Variants in XPO6 observed in about 807,000 individuals in gnomAD.
The protein encoded by XPO6 is exportin-6.
XPO6 carries 3 observed loss-of-function variants against 130.0 expected under a neutral mutation model. The ratio of observed to expected loss-of-function variants is 0.02; its 90% confidence interval spans 0.01 to 0.06. The LOEUF is 0.06. Ranked by LOEUF, XPO6 falls within the 10% of genes least tolerant of loss-of-function variation. The pLI is 1.00. For synonymous variants in XPO6, 524 were observed against 548.9 expected (o/e 0.95, Z 0.63); for missense variants, 970 against 1,393.0 (o/e 0.70, Z 4.83).
intron 2 of XPO6, among the ~76,000 whole-genome samples, chr16:28,178,135 T>C (rs2043560928): frequency 6.6e-6 from 1 of 152,136 alleles, no homozygotes; most frequent in Non-Finnish European, 1.5e-5. Flanking sequence ...AGGGTAAAAG[T>C]GCAAAGGCCC....
intron 1 of XPO6, among the ~76,000 whole-genome samples, chr16:28,200,084 G>A (rs974213265): frequency 6.6e-6 from 1 of 151,812 alleles, no homozygotes; most frequent in Admixed American, 6.6e-5. Context: ...TGAATCCAGA[G>A]GCAGAGGTTG....
intron 8 of XPO6, among the ~76,000 whole-genome samples, chr16:28,147,338 G>A (rs2043002260): frequency 6.6e-6 from 1 of 152,034 alleles, no homozygotes; most frequent in Non-Finnish European, 1.5e-5. Flanking sequence ...CACGGCAGGT[G>A]GACTGCTTGA....
intron 6 of XPO6, among the ~76,000 whole-genome samples, chr16:28,161,482 T>A (rs2043277473): frequency 6.6e-6 from 1 of 152,060 alleles, no homozygotes; most frequent in African/African-American, 2.4e-5. Context: ...TCAAGTTGAT[T>A]TATGAGGAGC....
rs1037800242 is a variant in XPO6, at chr16:28,153,952, G to A, written c.1098-1167C>T. ...CAGCCTGCCTGCCTGACCTCTATGC[G>A]GCCGAGCTTATTTGCAGCTTTTTAA... is the stretch of plus-strand genomic sequence containing the variant. On this transcript the variant is annotated intron_variant, in intron 7 of 23. Transcript: ENST00000304658. 166 of 985,226 alleles carry A rather than the reference G, an allele frequency of 1.7e-4. No individual in the cohort carries two copies. In the African/African-American group the frequency reaches 2.3e-3, roughly 14 times the overall value. 61.0% of individuals were successfully genotyped at this position (985,226 alleles called of 1,614,324 possible).
intron 1 of XPO6, among the ~76,000 whole-genome samples, chr16:28,210,545 G>A (rs1163855600): frequency 6.6e-6 from 1 of 152,188 alleles, no homozygotes; most frequent in Non-Finnish European, 1.5e-5. Context: ...ATAATTACAA[G>A]AGCAAAAAGG....
chr16:28,135,461 T>C (rs2042757423), intron 9 of XPO6, 137 bp from the exon 10 acceptor site: 2 of 677,020 alleles, frequency 3.0e-6, no homozygotes, highest in East Asian at 5.5e-5. Context: ...TGAGGCTGAG[T>C]TTATGGGTTG....
intron 4 of XPO6, among the ~76,000 whole-genome samples, chr16:28,172,524 T>C (rs768611686): frequency 2.6e-5 from 4 of 152,114 alleles, no homozygotes; most frequent in Non-Finnish European, 4.4e-5. Flanking sequence ...TCTAGAACCA[T>C]TAGTGTTATG....
chr16:28,122,234 T>A (rs1208963719), intron 13 of XPO6, among the ~76,000 whole-genome samples: 1 of 152,050 alleles, frequency 6.6e-6, no homozygotes, highest in Non-Finnish European at 1.5e-5. Flanking sequence ...AGTGGGTAGA[T>A]TATGGATGAT....
At position 28,206,491 on chromosome 16, in the gene XPO6, T is replaced by C. The variant is rs370865701; in HGVS notation, c.3+4875A>G. On this transcript the variant is annotated intron_variant, in intron 1 of 23. Transcript: ENST00000304658. ...TGAGACCAGGAGATCGAGGTCACTATGAGCTGTGACTGTGCTGCTGCGCCC... is the reference window on the plus strand; with the variant it reads ...TGAGACCAGGAGATCGAGGTCACTACGAGCTGTGACTGTGCTGCTGCGCCC... Among the ~76,000 whole-genome samples, 7 of 152,216 alleles carry C rather than the reference T, an allele frequency of 4.6e-5. No homozygotes were observed. The East Asian group carries it at 1.2e-3, about 25-fold the overall frequency.
At chr16:28,165,756 G>A (rs541937851) in intron 6 of XPO6, among the ~76,000 whole-genome samples, 123 of 152,206 alleles carry the variant, frequency 8.1e-4, no homozygotes, top group Non-Finnish European at 1.5e-3. Context: ...TACAGTAGAG[G>A]AAGCTATATG....
At chr16:28,107,721 A>C (rs1392942815) in intron 17 of XPO6, 44 bp from the exon 18 acceptor site, 3 of 1,604,870 alleles carry the variant, frequency 1.9e-6, no homozygotes, top group South Asian at 1.1e-5. Flanking sequence ...GTCTGGGGAG[A>C]AAGCATGGTA....
chr16:28,113,237 G>C (rs532665743), intron 15 of XPO6, among the ~76,000 whole-genome samples, 187 bp from the exon 16 acceptor site: 83 of 152,132 alleles, frequency 5.5e-4, no homozygotes, highest in Non-Finnish European at 1.1e-3. Flanking sequence ...CATGTCCACA[G>C]CTCCTGCCGC....
intron 8 of XPO6, among the ~76,000 whole-genome samples, chr16:28,151,346 AG>A (rs1169436210): frequency 1.3e-5 from 2 of 152,336 alleles, no homozygotes; most frequent in East Asian, 3.8e-4. Flanking sequence ...CCAAATCAGC[AG>A]GGGAGTGAAC....
chr16:28,098,800 T>C (rs1420361881), intron 23 of XPO6, among the ~76,000 whole-genome samples, 161 bp from the exon 24 acceptor site: 2 of 152,164 alleles, frequency 1.3e-5, no homozygotes, highest in Non-Finnish European at 2.9e-5. Context: ...ACAGAGACTC[T>C]GTGCCAGGCG....
At position 28,132,570 on chromosome 16, in the gene XPO6, G is replaced by C. The variant is rs1337141570; in HGVS notation, c.1537-167C>G. On this transcript the variant is annotated intron_variant, in intron 11 of 23. Coordinates refer to ENST00000304658, the MANE Select transcript of XPO6 (RefSeq NM_015171.4). This position sits in a 1 kb window ranked among gnomAD's most constrained non-coding sequence, Gnocchi z 4.0. ...GCTAAAAAGCTATGACCCCCCTTCAGTGCCCCCCAACTAGTTTCTATAATT... is the reference window on the plus strand; with the variant it reads ...GCTAAAAAGCTATGACCCCCCTTCACTGCCCCCCAACTAGTTTCTATAATT... Among the ~76,000 whole-genome samples the C allele has an allele frequency of 6.7e-6, 1 of 148,848 alleles. No individual in the cohort carries two copies. The highest frequency in any genetic ancestry group is 1.5e-5 in the Non-Finnish European group (1 of 67,516).
chr16:28,116,089 A>C (rs1282654289), intron 15 of XPO6, among the ~76,000 whole-genome samples: 1 of 152,204 alleles, frequency 6.6e-6, no homozygotes, highest in African/African-American at 2.4e-5. Flanking sequence ...CTCATCACTC[A>C]TGTGTTCACT....
At position 28,106,268 on chromosome 16, in the gene XPO6, C is replaced by A; in HGVS notation, c.2613-54G>T. ...AACCACATGTTTCTCTGGGGGCCAGCATGAAAACCCATGCTGTGGCAAGTG... is the reference window on the plus strand; with the variant it reads ...AACCACATGTTTCTCTGGGGGCCAGAATGAAAACCCATGCTGTGGCAAGTG... On this transcript the variant is annotated intron_variant, in intron 19 of 23. Coordinates refer to ENST00000304658, the MANE Select transcript of XPO6 (RefSeq NM_015171.4). The surrounding 1 kb of genome is among the most constrained non-coding windows in gnomAD (Gnocchi z 4.2). The A allele has an allele frequency of 6.2e-7, 1 of 1,607,640 alleles. No homozygotes were observed. Among genetic ancestry groups the A allele is most frequent in the Non-Finnish European group, 8.5e-7 (1 of 1,175,446 alleles).
chr16:28,153,444 TC>T, intron 7 of XPO6: 1 of 984,968 alleles, frequency 1.0e-6, no homozygotes, highest in Non-Finnish European at 1.2e-6. Flanking sequence ...CCAAAGTCAC[TC>T]AGCCAACTCA....
At chr16:28,144,957 C>G (rs1395119699) in intron 9 of XPO6, among the ~76,000 whole-genome samples, 2 of 152,166 alleles carry the variant, frequency 1.3e-5, no homozygotes, top group Admixed American at 1.3e-4. Flanking sequence ...CCCCCTCATG[C>G]ACTGGTTTTA....
Sources: allele counts gnomAD v4.1 joint callset (sites outside exome capture counted in the v4.1 genomes callset), GRCh38; gene constraint gnomAD v4.1.1; non-coding constraint Gnocchi (gnomAD v3.1); transcripts MANE v1.5; gene names NCBI Gene and HGNC (gene_info 2026-07-23, HGNC 2026-07-21).